DPYSL3: variants seen among roughly 807,000 people sequenced by gnomAD.
DPYSL3 encodes the protein dihydropyrimidinase-related protein 3.
In DPYSL3, 16 loss-of-function variants were observed where a neutral mutation model predicts 66.1. The observed-to-expected ratio is 0.24, with a 90% CI of 0.16 to 0.37. DPYSL3 has a LOEUF of 0.37. Ranked by LOEUF, DPYSL3 falls within the 10% of genes least tolerant of loss-of-function variation. The pLI is 1.00. For synonymous variants in DPYSL3, 338 were observed against 345.1 expected (o/e 0.98, Z 0.23); for missense variants, 738 against 916.2 (o/e 0.81, Z 2.51).
At chr5:147,453,739 C>T (rs1752790625) in intron 1 of DPYSL3, 13 of 1,312,440 alleles carry the variant, frequency 9.9e-6, no homozygotes, top group South Asian at 2.2e-5. Flanking sequence ...GCCCCCCTCC[C>T]GGGCTCCCGC....
rs973954644 is a variant in DPYSL3, at chr5:147,415,769, C to G, written c.760G>C (p.Asp254His). 9 of 1,613,970 alleles carry G rather than the reference C, an allele frequency of 5.6e-6. No individual in the cohort carries two copies. The Admixed American group carries it at 1.3e-4, about 24-fold the overall frequency. ...ACGCTGTCATTCCAGTGGGTGATGTCCACATGCAGGGCATAGTCACAGCAA... is the reference window on the plus strand; with the variant it reads ...ACGCTGTCATTCCAGTGGGTGATGTGCACATGCAGGGCATAGTCACAGCAA... Reference protein sequence around the residue: ...KSCCDYALHVDITHWNDSVKQ... With the variant: ...KSCCDYALHVHITHWNDSVKQ... The change falls in exon 4 of 14, where the codon GAC (aspartate) becomes CAC (histidine). Residue 254 changes from aspartate to histidine, a missense_variant. Coordinates refer to ENST00000343218, the MANE Select transcript of DPYSL3 (RefSeq NM_001197294.2).
intron 1 of DPYSL3, among the ~76,000 whole-genome samples, chr5:147,454,785 G>A (rs191398881): frequency 3.1e-3 from 471 of 152,290 alleles, no homozygotes; most frequent in Non-Finnish European, 4.7e-3. Context: ...GCCCTTCGGC[G>A]ATGGAATACA....
Position 147,509,739 on chromosome 5 carries a change from G to A in DPYSL3, c.120C>T (p.Asn40=), listed in dbSNP as rs1286764808. ...TCTTGCTCTCGAAGGCGCCCTCCAC[G>A]TTGCAGAACATGCCGCCGTATTTCT... ...PRQKYGGMFC[N]VEGAFESKTL... is the part of the protein sequence containing the mutation. The change falls in exon 1 of 14, where the codon AAC becomes AAT. Residue 40 remains asparagine (N), a synonymous_variant. Transcript: ENST00000343218. The surrounding 1 kb of genome is among the most constrained non-coding windows in gnomAD (Gnocchi z 5.3). 4.6e-6 allele frequency: 7 copies of A among 1,535,880 alleles called. No individual in the cohort carries two copies. In the African/African-American group the frequency reaches 8.2e-5, roughly 18 times the overall value.
At chr5:147,423,016 A>T (rs554518812) in intron 2 of DPYSL3, among the ~76,000 whole-genome samples, 112 of 152,222 alleles carry the variant, frequency 7.4e-4, no homozygotes, top group Admixed American at 1.9e-3. Flanking sequence ...ATAATAATAA[A>T]AAAGTTCTGT....
Position 147,405,632 on chromosome 5 carries a change from G to A in DPYSL3, c.1131C>T (p.Leu377=). Residue 377 remains leucine, a synonymous_variant, in exon 8 of 14, where the codon CTC becomes CTT. Coordinates refer to ENST00000343218, the MANE Select transcript of DPYSL3 (RefSeq NM_001197294.2). ...TKVMSKSAAD[L]ISQARKKGNV... ...CACCTTTTTTCCTGGCTTGTGAGAT[G>A]AGGTCAGCTGCACTCTTGCTCATGA... is the stretch of plus-strand genomic sequence containing the variant. 2 of 1,612,408 alleles carry A rather than the reference G, an allele frequency of 1.2e-6. No homozygotes were observed.
intron 1 of DPYSL3, among the ~76,000 whole-genome samples, chr5:147,465,595 C>G (rs1752998384): frequency 1.3e-5 from 2 of 152,220 alleles, no homozygotes; most frequent in South Asian, 4.1e-4. Flanking sequence ...CCACTGTTCC[C>G]GGCCCCTGGT....
chr5:147,453,741 G>C (rs1395127308), intron 1 of DPYSL3: 2 of 1,314,242 alleles, frequency 1.5e-6, no homozygotes, highest in South Asian at 4.3e-5. Context: ...CCCCCTCCCG[G>C]GCTCCCGCGG....
At chr5:147,480,785 C>T (rs910762600) in intron 1 of DPYSL3, among the ~76,000 whole-genome samples, 13 of 150,712 alleles carry the variant, frequency 8.6e-5, no homozygotes, top group East Asian at 2.0e-4. Flanking sequence ...TGCAATGGCG[C>T]GATCTCAGCT....
At chr5:147,451,799 T>C (rs1752733367) in intron 1 of DPYSL3, among the ~76,000 whole-genome samples, 1 of 152,254 alleles carries the variant, frequency 6.6e-6, no homozygotes, top group Admixed American at 6.5e-5. Context: ...ATTGAGCTTT[T>C]GTCCCAATCA....
In DPYSL3 at chr5:147,393,502, C is replaced by T. The variant is rs1300755414; in HGVS notation, c.*533G>A. 1 of 153,386 alleles carries T rather than the reference C, an allele frequency of 6.5e-6. No individual in the cohort carries two copies. Among genetic ancestry groups the T allele is most frequent in the African/African-American group, 2.4e-5 (1 of 41,424 alleles). 9.5% of individuals were successfully genotyped at this position (153,386 alleles called of 1,614,324 possible). A position where few individuals can be genotyped will look rare whatever the true frequency, so the allele number is the denominator to read the frequency against. ...GGGAGCTGTGGTGATGTGACAGCTG[C>T]CACAGCGGCTATCTTCCATGGAAAT... On this transcript the variant is annotated 3_prime_UTR_variant, in exon 14 of 14. Transcript: ENST00000343218.
chr5:147,490,165 AG>A (rs1753394187), intron 1 of DPYSL3, among the ~76,000 whole-genome samples: 2 of 152,100 alleles, frequency 1.3e-5, no homozygotes, highest in Non-Finnish European at 2.9e-5. Flanking sequence ...TTTATATGAA[AG>A]GCTCTCCTGA....
At chr5:147,448,688 G>T (rs970506950) in intron 1 of DPYSL3, among the ~76,000 whole-genome samples, 3 of 152,132 alleles carry the variant, frequency 2.0e-5, no homozygotes, top group African/African-American at 7.2e-5. Context: ...TGAGGGTCTT[G>T]CCACATAGAC....
intron 2 of DPYSL3, among the ~76,000 whole-genome samples, chr5:147,420,165 A>G (rs1752050317): frequency 6.6e-6 from 1 of 152,096 alleles, no homozygotes; most frequent in Non-Finnish European, 1.5e-5. Context: ...TGGATTCACA[A>G]TCCTGGCTCT....
intron 1 of DPYSL3, among the ~76,000 whole-genome samples, chr5:147,477,827 C>T (rs1433638360): frequency 6.6e-6 from 1 of 151,798 alleles, no homozygotes; most frequent in Non-Finnish European, 1.5e-5. Context: ...CATGATCCAC[C>T]CGCCTCGGCC....
intron 1 of DPYSL3, among the ~76,000 whole-genome samples, chr5:147,446,418 C>A (rs1283763450): frequency 6.6e-6 from 1 of 152,222 alleles, no homozygotes; most frequent in Middle Eastern, 3.2e-3. Context: ...TCGTTTTACC[C>A]TTAAAATCTC....
chr5:147,450,157 A>G (rs73794761), intron 1 of DPYSL3, among the ~76,000 whole-genome samples: 3,799 of 152,204 alleles, frequency 0.025, 156 homozygotes, highest in African/African-American at 0.086. Context: ...TAAATCTCTG[A>G]CCCTGAGCAA....
chr5:147,451,357 C>T (rs968393973), intron 1 of DPYSL3, among the ~76,000 whole-genome samples: 1 of 152,152 alleles, frequency 6.6e-6, no homozygotes, highest in South Asian at 2.1e-4. Context: ...CAGCACCACG[C>T]CCCACACACA....
At chr5:147,494,689 C>T (rs56967216) in intron 1 of DPYSL3, among the ~76,000 whole-genome samples, 1 of 146,318 alleles carries the variant, frequency 6.8e-6, no homozygotes, top group African/African-American at 2.5e-5. Context: ...CATGGTGAAA[C>T]CCCGTCTCTA....
At chr5:147,437,242 C>T (rs1020010599) in intron 1 of DPYSL3, among the ~76,000 whole-genome samples, 14 of 152,152 alleles carry the variant, frequency 9.2e-5, no homozygotes, top group South Asian at 6.2e-4. Flanking sequence ...ACAAAGACGT[C>T]GAGTGAATTC....
Sources: allele counts gnomAD v4.1 joint callset (sites outside exome capture counted in the v4.1 genomes callset), GRCh38; gene constraint gnomAD v4.1.1; non-coding constraint Gnocchi (gnomAD v3.1); transcripts MANE v1.5; gene names NCBI Gene and HGNC (gene_info 2026-07-23, HGNC 2026-07-21).